LARP1B: variants seen among roughly 807,000 people sequenced by gnomAD.
LARP1B encodes la-related protein 1B.
Under a neutral mutation model 114.2 loss-of-function variants are expected in LARP1B, and 76 were observed. That is an observed-to-expected ratio of 0.67 (90% CI 0.55 to 0.81). The LOEUF (loss-of-function observed/expected upper bound fraction) is 0.81. LARP1B is among the 30% of genes least tolerant of loss of function. The pLI is 0.00. For missense variants in LARP1B, 1,014 were observed against 1,075.8 expected (o/e 0.94, Z 0.80); for synonymous variants, 345 against 348.0 (o/e 0.99, Z 0.10).
chr4:128,109,158 C>T (rs986983290), intron 9 of LARP1B, among the ~76,000 whole-genome samples: 7 of 152,032 alleles, frequency 4.6e-5, no homozygotes, highest in Non-Finnish European at 8.8e-5. Flanking sequence ...TTAATAATTT[C>T]CTAGTGATAA....
chr4:128,066,165 CTTTTT>C lies in LARP1B; in HGVS notation c.-78+4781_-78+4785del, dbSNP rs59927866. ...CTATTGTCTATTTTCTTTCTTTCTT[CTTTTT>C]TTTTTTTTTTTTTTTTGTTATATTG... On this transcript the variant is annotated intron_variant, in intron 1 of 19. Transcript: ENST00000326639. Among the ~76,000 whole-genome samples, 79 of 99,170 alleles carry C rather than the reference CTTTTT, an allele frequency of 8.0e-4. 1 individual carries two copies. Among genetic ancestry groups the C allele is most frequent in the Middle Eastern group, 0.02 (2 of 98 alleles). 65.1% of individuals were successfully genotyped at this position (99,170 alleles called of 152,430 possible).
intron 7 of LARP1B, among the ~76,000 whole-genome samples, chr4:128,095,221 G>A (rs543034131): frequency 7.2e-5 from 11 of 151,902 alleles, no homozygotes; most frequent in Non-Finnish European, 1.3e-4. Flanking sequence ...GGGCATGGTG[G>A]CTCACTCCTG....
At chr4:128,182,990 G>A (rs898231106) in intron 15 of LARP1B, among the ~76,000 whole-genome samples, 8 of 152,166 alleles carry the variant, frequency 5.3e-5, no homozygotes, top group African/African-American at 1.9e-4. Flanking sequence ...GGCGAGGGAG[G>A]TGCAGAAGAA....
rs1366430548 is a variant in LARP1B at position 128,211,201 on chromosome 4, G to A, written c.*1148G>A. The stretch of plus-strand genomic sequence containing the variant: ...TTGAAAAGCTGTAATATTCAGTTTT[G>A]CTAGTAAAAGACCATTTTTTTGTGT... On this transcript the variant is annotated 3_prime_UTR_variant, in exon 20 of 20. Coordinates refer to ENST00000326639, the MANE Select transcript of LARP1B (RefSeq NM_018078.4). The A allele has an allele frequency of 2.1e-6, 2 of 933,502 alleles. No homozygotes were observed. Among genetic ancestry groups the A allele is most frequent in the African/African-American group, 1.8e-5 (1 of 56,190 alleles). The allele number at this position is 933,502 out of a possible 1,614,324, so 57.8% of individuals were successfully genotyped here.
chr4:128,075,433 T>A (rs1249419825), intron 3 of LARP1B, among the ~76,000 whole-genome samples: 1 of 152,192 alleles, frequency 6.6e-6, no homozygotes, highest in East Asian at 1.9e-4. Flanking sequence ...TACATTTTGT[T>A]ACTTTAATTT....
chr4:128,157,003 C>G (rs1038659846), intron 11 of LARP1B, among the ~76,000 whole-genome samples: 1 of 150,984 alleles, frequency 6.6e-6, no homozygotes, highest in Non-Finnish European at 1.5e-5. Context: ...GTGTCTGATC[C>G]TCAAAAAATA....
At chr4:128,209,494 A>G (rs1758515627) in intron 19 of LARP1B, among the ~76,000 whole-genome samples, 2 of 152,196 alleles carry the variant, frequency 1.3e-5, no homozygotes. Flanking sequence ...CAAAAACAAA[A>G]AACAAAAACC....
chr4:128,177,770 A>C (rs1251909517), intron 13 of LARP1B, among the ~76,000 whole-genome samples: 1 of 152,144 alleles, frequency 6.6e-6, no homozygotes, highest in Non-Finnish European at 1.5e-5. Flanking sequence ...GTCAGTAGTC[A>C]TTAAGTTAGA....
chr4:128,093,530 AG>A lies in LARP1B; in HGVS notation c.668+2019del, dbSNP rs778135110. Reference sequence around the variant, plus strand: ...AGAATGGTGTGAACCTGGGAGGCAGAGCGTGCAGTGAGCCGAGATAGTGCCA... The same window carrying A: ...AGAATGGTGTGAACCTGGGAGGCAGACGTGCAGTGAGCCGAGATAGTGCCA... On this transcript the variant is annotated intron_variant, in intron 7 of 19. Coordinates refer to ENST00000326639, the MANE Select transcript of LARP1B (RefSeq NM_018078.4). Among the ~76,000 whole-genome samples, 130 of 151,814 alleles carry A rather than the reference AG, an allele frequency of 8.6e-4. 1 individual carries two copies. The Middle Eastern group carries it at 0.014, about 16-fold the overall frequency.
chr4:128,190,577 G>A (rs1751930897), intron 15 of LARP1B, among the ~76,000 whole-genome samples: 1 of 152,136 alleles, frequency 6.6e-6, no homozygotes, highest in Non-Finnish European at 1.5e-5. Flanking sequence ...GTGATAGTGA[G>A]TGAGTTCTCA....
intron 15 of LARP1B, among the ~76,000 whole-genome samples, chr4:128,193,370 A>T (rs926774048): frequency 6.6e-6 from 1 of 152,132 alleles, no homozygotes; most frequent in Non-Finnish European, 1.5e-5. Flanking sequence ...TTATTAATAC[A>T]CCCACACACA....
intron 11 of LARP1B, among the ~76,000 whole-genome samples, chr4:128,153,996 C>G (rs1008928191): frequency 1.3e-5 from 2 of 152,140 alleles, no homozygotes; most frequent in Non-Finnish European, 2.9e-5. Context: ...TACTGCCATG[C>G]GTCATCTCTC....
rs1257461627 is a variant in LARP1B at position 128,100,924 on chromosome 4, TCTC to T, written c.813+2597_813+2599del. ...CCTGCGTTTCCTGGGTTCAAGCGAG[TCTC>T]CTGCCTCAGCCTCCCGAGTAGCTGG... On this transcript the variant is annotated intron_variant, in intron 8 of 19. Coordinates refer to ENST00000326639, the MANE Select transcript of LARP1B (RefSeq NM_018078.4). Among the ~76,000 whole-genome samples, 6 of 149,878 alleles carry T rather than the reference TCTC, an allele frequency of 4.0e-5. No individual in the cohort carries two copies. The South Asian group carries it at 1.3e-3, about 32-fold the overall frequency.
downstream of LARP1B, among the ~76,000 whole-genome samples, chr4:128,213,043 C>T (rs796576102): frequency 6.0e-5 from 9 of 150,938 alleles, no homozygotes; most frequent in African/African-American, 1.7e-4. Context: ...CTCAGCCTTC[C>T]GAGTAGCTGG....
intron 19 of LARP1B, among the ~76,000 whole-genome samples, chr4:128,208,267 G>A (rs1758109530): frequency 6.6e-6 from 1 of 151,070 alleles, no homozygotes; most frequent in Admixed American, 6.6e-5. Context: ...GGTGGAGGTT[G>A]CAGTGGGCAG....
chr4:128,112,446 A>G (rs1235182501), intron 9 of LARP1B, among the ~76,000 whole-genome samples: 2 of 144,854 alleles, frequency 1.4e-5, no homozygotes, highest in East Asian at 2.0e-4. Flanking sequence ...AGATAACTGC[A>G]TATAGCTAAT....
intron 9 of LARP1B, among the ~76,000 whole-genome samples, chr4:128,112,717 G>A (rs145130357): frequency 0.018 from 2,669 of 151,624 alleles, 64 homozygotes; most frequent in East Asian, 0.1. Flanking sequence ...TAGGTGATCC[G>A]CCCACCTCGG....
chr4:128,220,945 C>A lies in LARP1B; in HGVS notation n.934+505C>A, dbSNP rs1318179825. On this transcript the variant is annotated intron_variant and non_coding_transcript_variant, in intron 7 of 7. Transcript: ENST00000503725. ...ACTCCAGTAGTCTGGCTTCAGAGCC[C>A]AGGCTCTTCATCTTAACCAGATTGT... is the stretch of plus-strand genomic sequence containing the variant. 2.0e-5 allele frequency among the ~76,000 whole-genome samples: 3 copies of A among 152,204 alleles called. No individual in the cohort carries two copies. The East Asian group carries it at 5.8e-4, about 29-fold the overall frequency.
intron 8 of LARP1B, among the ~76,000 whole-genome samples, chr4:128,103,561 CTT>C (rs1049704607): frequency 2.9e-4 from 38 of 131,822 alleles, no homozygotes; most frequent in African/African-American, 8.0e-4. Flanking sequence ...GCCCCTTCCT[CTT>C]TTTTTTTTTT....
Sources: gnomAD v4.1 joint callset for allele counts (sites outside exome capture counted in the v4.1 genomes callset) on GRCh38, gnomAD v4.1.1 for gene constraint, MANE v1.5 for transcripts, NCBI Gene and HGNC (gene_info 2026-07-23, HGNC 2026-07-21) for gene names.